ASCC2: variants seen among roughly 807,000 people sequenced by gnomAD.
ASCC2 encodes the protein activating signal cointegrator 1 complex subunit 2.
ASCC2 carries 42 observed loss-of-function variants against 93.5 expected under a neutral mutation model. The observed-to-expected ratio is 0.45, with a 90% confidence interval of 0.35 to 0.58. ASCC2 has a LOEUF of 0.58. Among genes scored for constraint, ASCC2 ranks in the 20% least tolerant of loss-of-function variants. The pLI is 0.00. For synonymous variants in ASCC2, 364 were observed against 384.2 expected (o/e 0.95, Z 0.62); for missense variants, 859 against 977.6 (o/e 0.88, Z 1.62).
At chr22:29,834,879 C>G (rs2063585986) in intron 1 of ASCC2, among the ~76,000 whole-genome samples, 2 of 152,048 alleles carry the variant, frequency 1.3e-5, no homozygotes, top group Admixed American at 1.3e-4. Flanking sequence ...TCTAGCCATG[C>G]TGGAAAGTGA....
chr22:29,821,909 G>T, intron 5 of ASCC2: 1 of 448,098 alleles, frequency 2.2e-6, no homozygotes, highest in Non-Finnish European at 4.5e-6. Context: ...TGAGTTGGGG[G>T]GATAGCTTTA....
intron 12 of ASCC2, among the ~76,000 whole-genome samples, chr22:29,805,923 C>T (rs542486378): frequency 7.9e-5 from 12 of 152,010 alleles, no homozygotes; most frequent in African/African-American, 2.7e-4. Flanking sequence ...GTTTACTTGT[C>T]CACCTCCCCT....
chr22:29,833,244 C>T (rs1428177253), intron 1 of ASCC2, among the ~76,000 whole-genome samples: 1 of 152,130 alleles, frequency 6.6e-6, no homozygotes, highest in African/African-American at 2.4e-5. Flanking sequence ...GGTGGCCTCA[C>T]CAAATGTTTG....
At chr22:29,819,453 C>T (rs944895662) in intron 5 of ASCC2, among the ~76,000 whole-genome samples, 1 of 152,320 alleles carries the variant, frequency 6.6e-6, no homozygotes, top group Non-Finnish European at 1.5e-5. Flanking sequence ...TGAGCCACCA[C>T]ACCCAGCCTC....
intron 14 of ASCC2, 71 bp downstream of exon 14, chr22:29,801,923 G>A: frequency 7.8e-7 from 1 of 1,286,868 alleles, no homozygotes; most frequent in Non-Finnish European, 1.1e-6. Context: ...AATGAGGGAA[G>A]GAAGAGAGGA....
At position 29,809,288 on chromosome 22, in the gene ASCC2, G is replaced by A. The variant is rs139487140; in HGVS notation, c.834-1103C>T. 7.5e-4 allele frequency among the ~76,000 whole-genome samples: 114 copies of A among 151,798 alleles called. 1 individual carries two copies. The East Asian group carries it at 0.018, about 24-fold the overall frequency. ...TAAAAAATTTAAGAAAAAAGTAAATGTATCATATTTTCTACATTGGCTTAT... is the reference window on the plus strand; with the variant it reads ...TAAAAAATTTAAGAAAAAAGTAAATATATCATATTTTCTACATTGGCTTAT... On this transcript the variant is annotated intron_variant, in intron 8 of 19. Transcript: ENST00000307790.
intron 5 of ASCC2, chr22:29,822,110 C>T: frequency 1.8e-6 from 1 of 561,780 alleles, no homozygotes; most frequent in Non-Finnish European, 3.1e-6. Context: ...TTTCCAGATC[C>T]CTGGGGAACT....
chr22:29,802,317 G>T, intron 13 of ASCC2, 109 bp from the exon 14 acceptor site: 1 of 1,063,560 alleles, frequency 9.4e-7, no homozygotes, highest in Non-Finnish European at 1.4e-6. Flanking sequence ...TCAAGTCCTG[G>T]GATTACCCCT....
intron 19 of ASCC2, among the ~76,000 whole-genome samples, chr22:29,789,920 G>A (rs2068741430): frequency 6.6e-6 from 1 of 152,158 alleles, no homozygotes; most frequent in African/African-American, 2.4e-5. Flanking sequence ...TGGATGAGGA[G>A]TCTCTGGGTA....
intron 1 of ASCC2, among the ~76,000 whole-genome samples, chr22:29,835,420 A>AAT (rs2063655507): frequency 1.3e-5 from 2 of 151,076 alleles, no homozygotes; most frequent in Non-Finnish European, 3.0e-5. Flanking sequence ...AAAAAAAAAA[A>AAT]TTTTTTTTCT....
At chr22:29,804,877 G>T (rs2059501578) in intron 12 of ASCC2, 47 bp from the exon 13 acceptor site, 2 of 1,584,034 alleles carry the variant, frequency 1.3e-6, no homozygotes, top group African/African-American at 1.3e-5. Context: ...TAGCTCTGAA[G>T]CAGCATAATT....
chr22:29,827,810 G>GAC lies in ASCC2; in HGVS notation c.82-2032_82-2031dup, dbSNP rs1333749764. Among the ~76,000 whole-genome samples the GAC allele has an allele frequency of 2.9e-3, 106 of 36,024 alleles. 7 individuals carry two copies. The highest frequency in any genetic ancestry group is 5.1e-3 in the East Asian group (5 of 990). The allele number at this position is 36,024 out of a possible 152,430, so 23.6% of individuals were successfully genotyped here. Reference sequence around the variant, plus strand: ...CACACACAACCAGGCTACTCATTCTGACACACACACACACACACACATACA... The same window carrying GAC: ...CACACACAACCAGGCTACTCATTCTGACACACACACACACACACACACATACA... On this transcript the variant is annotated intron_variant, in intron 2 of 19. Transcript: ENST00000307790.
At chr22:29,811,618 G>A (rs1009853293) in intron 8 of ASCC2, among the ~76,000 whole-genome samples, 4 of 152,170 alleles carry the variant, frequency 2.6e-5, no homozygotes, top group African/African-American at 9.7e-5. Context: ...TTGGAGGCTG[G>A]GTCAGCCCCA....
At chr22:29,803,837 G>A (rs1236946669) in intron 13 of ASCC2, among the ~76,000 whole-genome samples, 1 of 152,238 alleles carries the variant, frequency 6.6e-6, no homozygotes, top group African/African-American at 2.4e-5. Flanking sequence ...AGGAATCACA[G>A]GGTCTGGGCT....
chr22:29,834,606 C>T, intron 1 of ASCC2: 2 of 469,756 alleles, frequency 4.3e-6, no homozygotes, highest in South Asian at 3.1e-5. Context: ...AAGTTTTCAT[C>T]TTTCAGCTTT....
At chr22:29,804,214 C>T (rs1458596667) in intron 13 of ASCC2, among the ~76,000 whole-genome samples, 1 of 152,246 alleles carries the variant, frequency 6.6e-6, no homozygotes, top group Non-Finnish European at 1.5e-5. Context: ...GAGGTTTCTA[C>T]ACTTGTTCAG....
intron 15 of ASCC2, among the ~76,000 whole-genome samples, chr22:29,798,602 T>G (rs1017620954): frequency 1.3e-5 from 2 of 152,230 alleles, no homozygotes; most frequent in South Asian, 4.1e-4. Flanking sequence ...ACTTAAGCAC[T>G]GAGTACAGCC....
chr22:29,789,184 C>T lies in ASCC2; in HGVS notation c.2103G>A (p.Gly701=), dbSNP rs1235900907. The change falls in exon 20 of 20, where the codon GGG becomes GGA. Residue 701 remains glycine (G), a splice_region_variant and synonymous_variant. Coordinates refer to ENST00000307790, the MANE Select transcript of ASCC2 (RefSeq NM_032204.5). ...ARRMAFLAKK[G]YRHDSSTAVA... ...CTGCTGTTGAGCTGTCATGCCGGTA[C>T]CTGAGGGAGGAACAACCCACCCCAC... is the stretch of plus-strand genomic sequence containing the variant. The T allele has an allele frequency of 1.2e-6, 2 of 1,614,084 alleles. No homozygotes were observed. The highest frequency in any genetic ancestry group is 1.7e-6 in the Non-Finnish European group (2 of 1,179,988).
intron 5 of ASCC2, among the ~76,000 whole-genome samples, chr22:29,817,253 C>G (rs754786184): frequency 8.5e-5 from 13 of 152,136 alleles, no homozygotes; most frequent in Non-Finnish European, 1.3e-4. Flanking sequence ...TCTGCACCCA[C>G]TTCCTACTCC....
Sources: allele counts gnomAD v4.1 joint callset (sites outside exome capture counted in the v4.1 genomes callset), GRCh38; gene constraint gnomAD v4.1.1; transcripts MANE v1.5; gene names NCBI Gene and HGNC (gene_info 2026-07-23, HGNC 2026-07-21).